Variants in CACNA1C observed in about 807,000 individuals in gnomAD.
CACNA1C encodes calcium voltage-gated channel subunit alpha1 C.
CACNA1C carries 30 observed loss-of-function variants against 229.0 expected under a neutral mutation model. The ratio of observed to expected loss-of-function variants is 0.13; its 90% confidence interval spans 0.10 to 0.18. The LOEUF (loss-of-function observed/expected upper bound fraction) is 0.18, where lower values mean the gene tolerates loss of function less well. Among genes scored for constraint, CACNA1C ranks in the 10% least tolerant of loss-of-function variants. The pLI, the probability that CACNA1C is intolerant of heterozygous loss-of-function variation, is 1.00. For missense variants in CACNA1C, 1,658 were observed against 2,845.0 expected, an observed-to-expected ratio of 0.58 and a Z score of 9.49; for synonymous variants, 1,114 against 1,132.5, an observed-to-expected ratio of 0.98 and a Z score of 0.33.
At chr12:2,190,391 C>T (rs957884125) in intron 3 of CACNA1C, among the ~76,000 whole-genome samples, 1 of 152,190 alleles carries the variant, frequency 6.6e-6, no homozygotes, top group African/African-American at 2.4e-5. Context: ...GCCCCATTCC[C>T]TCCATCAGCC....
intron 13 of CACNA1C, among the ~76,000 whole-genome samples, chr12:2,569,510 G>C (rs980300437): frequency 3.9e-5 from 6 of 152,084 alleles, no homozygotes; most frequent in South Asian, 2.1e-4. Flanking sequence ...CTATAGAGTT[G>C]CCTATTTTGG....
At chr12:2,349,844 G>A (rs575446082) in intron 3 of CACNA1C, among the ~76,000 whole-genome samples, 1 of 152,282 alleles carries the variant, frequency 6.6e-6, no homozygotes, top group South Asian at 2.1e-4. Context: ...TGTACTAGGT[G>A]CTCAGGAAAG....
chr12:2,110,182 C>T (rs2154126697), intron 1 of CACNA1C, among the ~76,000 whole-genome samples: 1 of 152,370 alleles, frequency 6.6e-6, no homozygotes, highest in East Asian at 1.9e-4. Context: ...CCTTGCAGAG[C>T]AGAATGACAC....
intron 30 of CACNA1C, among the ~76,000 whole-genome samples, chr12:2,643,003 C>T (rs574549143): frequency 6.6e-6 from 1 of 152,356 alleles, no homozygotes; most frequent in East Asian, 1.9e-4. Flanking sequence ...TAGCACAGGG[C>T]ATAGCTCTCA....
Position 2,504,526 on chromosome 12 carries a change from G to A in CACNA1C, c.1114-316G>A, listed in dbSNP as rs587782933. On this transcript the variant is annotated intron_variant, in intron 7 of 46. Transcript: ENST00000399655. The surrounding 1 kb of genome is among the most constrained non-coding windows in gnomAD (Gnocchi z 6.8). ...CTTTTTCGTTCTAAATCTGGTTCTC[G>A]GTGTGTTGAGCGGGTAAGCTGACCG... 1 of 1,602,188 alleles carries A rather than the reference G, an allele frequency of 6.2e-7. No homozygotes were observed. The highest frequency in any genetic ancestry group is 8.6e-7 in the Non-Finnish European group (1 of 1,169,306).
intron 3 of CACNA1C, among the ~76,000 whole-genome samples, chr12:2,158,069 C>T (rs1222195754): frequency 3.3e-5 from 5 of 152,028 alleles, no homozygotes; most frequent in African/African-American, 9.7e-5. Context: ...TCCAGGAAGT[C>T]CAGTATCTGA....
At chr12:2,097,441 T>C (rs145117234) in intron 1 of CACNA1C, among the ~76,000 whole-genome samples, 96 of 152,310 alleles carry the variant, frequency 6.3e-4, no homozygotes, top group East Asian at 1.9e-3. Context: ...CCACCGCGCC[T>C]GGCCACATTT....
chr12:2,637,776 C>T (rs934244451), intron 30 of CACNA1C, among the ~76,000 whole-genome samples: 1 of 152,224 alleles, frequency 6.6e-6, no homozygotes, highest in Non-Finnish European at 1.5e-5. Context: ...CATCACAAGA[C>T]ATATATTCCC....
chr12:2,365,264 C>T (rs941725978), intron 3 of CACNA1C, among the ~76,000 whole-genome samples: 25 of 152,172 alleles, frequency 1.6e-4, no homozygotes, highest in African/African-American at 6.0e-4. Flanking sequence ...AGGGTATATT[C>T]TTTAAACAAT....
At chr12:2,139,696 G>A (rs921841221) in intron 3 of CACNA1C, among the ~76,000 whole-genome samples, 4 of 151,182 alleles carry the variant, frequency 2.6e-5, no homozygotes, top group African/African-American at 7.3e-5. Flanking sequence ...GATCTCTTGC[G>A]CCCCTGAGGT....
At chr12:2,610,183 A>G (rs2077022139) in intron 27 of CACNA1C, among the ~76,000 whole-genome samples, 1 of 152,142 alleles carries the variant, frequency 6.6e-6, no homozygotes. Context: ...AGTGAGAAGC[A>G]CAGCTGTCAG....
At chr12:2,128,281 A>G (rs1168771697) in intron 3 of CACNA1C, among the ~76,000 whole-genome samples, 1 of 152,208 alleles carries the variant, frequency 6.6e-6, no homozygotes, top group Admixed American at 6.5e-5. Flanking sequence ...AATGAAGTAT[A>G]TGTGAAAATA....
At chr12:2,282,434 TCA>T (rs2091570204) in intron 3 of CACNA1C, among the ~76,000 whole-genome samples, 3 of 152,170 alleles carry the variant, frequency 2.0e-5, no homozygotes, top group Admixed American at 2.0e-4. Context: ...AGGGAGCCTC[TCA>T]CAGGAGTGAG....
chr12:2,303,179 C>A (rs2094713306), intron 3 of CACNA1C, among the ~76,000 whole-genome samples: 1 of 152,240 alleles, frequency 6.6e-6, no homozygotes, highest in South Asian at 2.1e-4. Flanking sequence ...AAGTGCCTTC[C>A]AGGTGGGAAA....
At chr12:2,341,825 C>T (rs1233764678) in intron 3 of CACNA1C, among the ~76,000 whole-genome samples, 1 of 152,176 alleles carries the variant, frequency 6.6e-6, no homozygotes, top group Non-Finnish European at 1.5e-5. Flanking sequence ...ATGGGTCAGC[C>T]TCTCTGGCCC....
chr12:2,341,143 C>G (rs1181434627), intron 3 of CACNA1C, among the ~76,000 whole-genome samples: 3 of 152,142 alleles, frequency 2.0e-5, no homozygotes, highest in Non-Finnish European at 4.4e-5. Context: ...TTCCTGTTTT[C>G]ACCTGCGGTG....
chr12:2,085,753 CAGA>C (rs1470734779), intron 1 of CACNA1C, among the ~76,000 whole-genome samples: 1 of 152,208 alleles, frequency 6.6e-6, no homozygotes, highest in African/African-American at 2.4e-5. Context: ...AAGCCTCACT[CAGA>C]TTATGTCAGT....
chr12:2,502,708 G>A (rs892563707), intron 7 of CACNA1C, among the ~76,000 whole-genome samples: 1 of 152,242 alleles, frequency 6.6e-6, no homozygotes, highest in Non-Finnish European at 1.5e-5. Context: ...TAGGTGTCTC[G>A]GTACTTCTCA....
At chr12:2,541,564 A>G (rs900984007) in intron 9 of CACNA1C, among the ~76,000 whole-genome samples, 1 of 152,114 alleles carries the variant, frequency 6.6e-6, no homozygotes, top group Admixed American at 6.5e-5. Flanking sequence ...GGGTGGGGCA[A>G]GCAGTGCTCC....
Sources: gnomAD v4.1 joint callset for allele counts (sites outside exome capture counted in the v4.1 genomes callset) on GRCh38, gnomAD v4.1.1 for gene constraint, Gnocchi (gnomAD v3.1) non-coding constraint, MANE v1.5 for transcripts, NCBI Gene and HGNC (gene_info 2026-07-23, HGNC 2026-07-21) for gene names.